The following PBRM1 variants were observed in gnomAD, a reference collection of about 807,000 sequenced individuals.
PBRM1 encodes the protein polybromo 1, also known as protein polybromo-1.
Under a neutral mutation model 194.5 loss-of-function variants are expected in PBRM1, and 27 were observed. The observed-to-expected ratio is 0.14, with a 90% CI of 0.10 to 0.19. The LOEUF is 0.19. Among genes scored for constraint, PBRM1 ranks in the 10% least tolerant of loss-of-function variants. PBRM1 has a pLI of 1.00. For missense variants in PBRM1, 1,466 were observed against 2,077.2 expected, an observed-to-expected ratio of 0.71 and a Z score of 5.72; for synonymous variants, 655 against 693.2, an observed-to-expected ratio of 0.94 and a Z score of 0.87.
rs765690200 is a variant in PBRM1, at chr3:52,587,522, G to A, written c.2966-12C>T. On this transcript the variant is annotated splice_polypyrimidine_tract_variant and intron_variant, in intron 18 of 29. Coordinates refer to ENST00000296302, the Ensembl canonical transcript of PBRM1. The stretch of plus-strand genomic sequence containing the variant: ...CAACCATTTTTCACCTCAAAAATGG[G>A]GGGTGGGGGAAGGGGAAGAGAAAGA... The A allele has an allele frequency of 5.7e-6, 9 of 1,578,220 alleles. No homozygotes were observed. In the East Asian group the frequency reaches 1.8e-4, roughly 32 times the overall value.
At chr3:52,682,373 T>TG (rs1248939150), upstream of PBRM1, 3 of 126,982 alleles carry the variant, frequency 2.4e-5, no homozygotes, top group Non-Finnish European at 5.4e-5. Flanking sequence ...TTTGACAAGG[T>TG]TAAAAAAAAA....
intron 13 of PBRM1, among the ~76,000 whole-genome samples, chr3:52,622,157 T>C (rs1427258818): frequency 1.3e-5 from 2 of 152,110 alleles, no homozygotes; most frequent in Non-Finnish European, 2.9e-5. Flanking sequence ...CTGGCCAACA[T>C]GGCAAATCCT....
chr3:52,584,501 G>C (rs1296084537), intron 20 of PBRM1, among the ~76,000 whole-genome samples: 5 of 126,626 alleles, frequency 3.9e-5, no homozygotes, highest in Non-Finnish European at 7.7e-5. Flanking sequence ...TGTTGACCAG[G>C]CTAGAGTGCA....
chr3:52,673,373 C>T (rs2096996815), intron 2 of PBRM1, among the ~76,000 whole-genome samples: 1 of 151,584 alleles, frequency 6.6e-6, no homozygotes, highest in Non-Finnish European at 1.5e-5. Flanking sequence ...ATTTAAAAAA[C>T]ATGCTTCACT....
chr3:52,624,871 T>C (rs547895971), intron 13 of PBRM1, 26 bp downstream of exon 15: 185 of 1,434,232 alleles, frequency 1.3e-4, no homozygotes, highest in Non-Finnish European at 1.7e-4. Flanking sequence ...TAAAAGAATG[T>C]TTATGCATAA....
chr3:52,643,556 C>T (rs369878813), intron 8 of PBRM1, among the ~76,000 whole-genome samples: 1 of 152,180 alleles, frequency 6.6e-6, no homozygotes, highest in Non-Finnish European at 1.5e-5. Context: ...TTGGTCACTG[C>T]AGTGACCAGA....
chr3:52,683,988 T>C (rs1307592799), upstream of PBRM1, among the ~76,000 whole-genome samples: 1 of 151,830 alleles, frequency 6.6e-6, no homozygotes, highest in Admixed American at 6.6e-5. Flanking sequence ...CTGGATAACA[T>C]AGATTGATCT....
chr3:52,573,343 G>C (rs2088134552), intron 22 of PBRM1, among the ~76,000 whole-genome samples: 1 of 151,934 alleles, frequency 6.6e-6, no homozygotes, highest in African/African-American at 2.4e-5. Flanking sequence ...CCACAGGCTG[G>C]AGTGCAGTGG....
At chr3:52,585,206 A>C (rs1325324237) in intron 20 of PBRM1, among the ~76,000 whole-genome samples, 2 of 152,080 alleles carry the variant, frequency 1.3e-5, no homozygotes, top group African/African-American at 4.8e-5. Context: ...TTTATTTTTC[A>C]GGTTGTGAAA....
At chr3:52,630,906 T>C (rs1279678673) in intron 11 of PBRM1, among the ~76,000 whole-genome samples, 1 of 152,170 alleles carries the variant, frequency 6.6e-6, no homozygotes, top group Non-Finnish European at 1.5e-5. Context: ...TAATAGACTA[T>C]TTAAATAATT....
chr3:52,591,107 T>C (rs2092987160), intron 17 of PBRM1, among the ~76,000 whole-genome samples: 1 of 152,250 alleles, frequency 6.6e-6, no homozygotes, highest in African/African-American at 2.4e-5. Context: ...TGTATACTGA[T>C]TGTGTATCCT....
intron 2 of PBRM1, among the ~76,000 whole-genome samples, chr3:52,676,517 T>G (rs1578299348): frequency 6.6e-6 from 1 of 152,208 alleles, no homozygotes; most frequent in African/African-American, 2.4e-5. Context: ...TTCTGAGGCC[T>G]CCCCAGCCAT....
intron 29 of PBRM1, 75 bp from the exon 32 acceptor site, chr3:52,548,310 C>A: frequency 9.4e-7 from 1 of 1,058,736 alleles, no homozygotes; most frequent in Non-Finnish European, 1.3e-6. Flanking sequence ...TAAGGTCTGA[C>A]GAACTTATTA....
chr3:52,577,028 G>A (rs2089817813), intron 21 of PBRM1, among the ~76,000 whole-genome samples: 1 of 152,116 alleles, frequency 6.6e-6, no homozygotes, highest in African/African-American at 2.4e-5. Flanking sequence ...ATTTGTCATT[G>A]GACTTGTGAA....
At chr3:52,571,015 G>A (rs993504458) in intron 22 of PBRM1, among the ~76,000 whole-genome samples, 5 of 151,600 alleles carry the variant, frequency 3.3e-5, no homozygotes, top group Admixed American at 2.0e-4. Flanking sequence ...GAGCTACCAC[G>A]TTGGCTATCT....
chr3:52,578,706 T>C (rs968441062), intron 21 of PBRM1, among the ~76,000 whole-genome samples: 7 of 152,204 alleles, frequency 4.6e-5, no homozygotes, highest in African/African-American at 1.7e-4. Flanking sequence ...GAAGGAAATA[T>C]GTGGTGCTTT....
intron 27 of PBRM1, chr3:52,551,746 C>T (rs1429900067): frequency 6.6e-6 from 1 of 152,184 alleles, no homozygotes; most frequent in East Asian, 1.9e-4. Flanking sequence ...ATCCTGCTGG[C>T]TGTGTAGAAG....
chr3:52,629,092 T>C lies in PBRM1; in HGVS notation c.1302-57A>G, dbSNP rs538573871. On this transcript the variant is annotated intron_variant, in intron 11 of 29. Coordinates refer to ENST00000296302, the Ensembl canonical transcript of PBRM1. ...CTGTCATGAAAATTATGAAACATTC[T>C]TCCTGAAAGTCCAATGCAAAATCTT... is the stretch of plus-strand genomic sequence containing the variant. The C allele has an allele frequency of 8.7e-6, 12 of 1,374,012 alleles. No homozygotes were observed. In the East Asian group the frequency reaches 1.9e-4, roughly 22 times the overall value. The allele number at this position is 1,374,012 out of a possible 1,614,324, so 85.1% of individuals were successfully genotyped here. A position where few individuals can be genotyped will look rare whatever the true frequency, so the allele number is the denominator to read the frequency against.
At chr3:52,586,324 G>T in intron 20 of PBRM1, 101 bp downstream of exon 22, 3 of 992,750 alleles carry the variant, frequency 3.0e-6, no homozygotes, top group Non-Finnish European at 4.5e-6. Context: ...AAGGTTTTGT[G>T]TTGTTGCTCT....
Sources: allele counts gnomAD v4.1 joint callset (sites outside exome capture counted in the v4.1 genomes callset), GRCh38; gene constraint gnomAD v4.1.1; transcripts MANE v1.5; gene names NCBI Gene and HGNC (gene_info 2026-07-23, HGNC 2026-07-21).